The following YBEY variants were observed in gnomAD, a reference collection of about 807,000 sequenced individuals.
The protein encoded by YBEY is endoribonuclease YbeY.
In YBEY, 15 loss-of-function variants were observed where a neutral mutation model predicts 13.5. That is an observed-to-expected ratio of 1.11 (90% CI 0.75 to 1.72). YBEY has a LOEUF of 1.72. Ranked by LOEUF, YBEY falls within the 40% of genes most tolerant of loss-of-function variation. YBEY has a pLI of 0.00. For missense variants in YBEY, 244 were observed against 208.4 expected, an observed-to-expected ratio of 1.17 and a Z score of -1.05; for synonymous variants, 101 against 83.1, an observed-to-expected ratio of 1.21 and a Z score of -1.17.
At chr21:46,290,722 CA>C (rs1383098106) in intron 2 of YBEY, among the ~76,000 whole-genome samples, 3 of 149,700 alleles carry the variant, frequency 2.0e-5, no homozygotes, top group Non-Finnish European at 4.5e-5. Context: ...CAGCCTGACC[CA>C]TATGATGAAA....
At chr21:46,292,343 AG>A (rs2081751523) in intron 3 of YBEY, 1 of 152,274 alleles carries the variant, frequency 6.6e-6, no homozygotes, top group African/African-American at 2.4e-5. Flanking sequence ...GGTTCTCCTC[AG>A]GACACCTACA....
At chr21:46,300,015 C>G (rs573073785), downstream of YBEY, among the ~76,000 whole-genome samples, 47 of 152,214 alleles carry the variant, frequency 3.1e-4, no homozygotes, top group Non-Finnish European at 5.6e-4. Context: ...CAGCTGTGCC[C>G]TCACCAGACA....
intron 2 of YBEY, among the ~76,000 whole-genome samples, chr21:46,290,238 C>T (rs1024285641): frequency 6.6e-6 from 1 of 150,940 alleles, no homozygotes; most frequent in Non-Finnish European, 1.5e-5. Context: ...GAGTCTTGCT[C>T]TGTCAGCCAG....
downstream of YBEY, chr21:46,297,833 C>G: frequency 8.5e-7 from 1 of 1,170,234 alleles, no homozygotes; most frequent in Non-Finnish European, 1.1e-6. Context: ...GTTCAGGGAA[C>G]GCGTGGCCCC....
chr21:46,310,802 A>ACT, the YBEY span, among the ~76,000 whole-genome samples: 725 of 149,390 alleles, frequency 4.9e-3, 5 homozygotes, highest in East Asian at 0.019. Context: ...AAAGTAAGAC[A>ACT]CTCTCTCTCT....
At chr21:46,300,553 C>A (rs2082077074), downstream of YBEY, 2 of 826,366 alleles carry the variant, frequency 2.4e-6, no homozygotes, top group South Asian at 2.5e-5. Context: ...TCTGGAATCA[C>A]CTTCAAGAGG....
chr21:46,308,456 A>C, the YBEY span, among the ~76,000 whole-genome samples: 1 of 151,988 alleles, frequency 6.6e-6, no homozygotes, highest in Non-Finnish European at 1.5e-5. Context: ...GTGAGACTCC[A>C]TCTCAAAAAA....
the YBEY span, among the ~76,000 whole-genome samples, chr21:46,308,395 A>G: frequency 6.6e-6 from 1 of 151,988 alleles, no homozygotes; most frequent in Admixed American, 6.6e-5. Flanking sequence ...CGGGAGGCAG[A>G]GGCCGCGGTG....
downstream of YBEY, among the ~76,000 whole-genome samples, chr21:46,299,047 C>CTTTT (rs58361649): frequency 9.2e-6 from 1 of 108,854 alleles, no homozygotes; most frequent in South Asian, 3.0e-4. Flanking sequence ...TTCTTTCTTT[C>CTTTT]TTTTTTTTTT....
At position 46,297,590 on chromosome 21, in the gene YBEY, A is replaced by AC. The variant is rs779500027; in HGVS notation, c.463dup (p.Arg155ProfsTer40). The AC allele has an allele frequency of 4.3e-6, 6 of 1,381,024 alleles. No homozygotes were observed. The highest frequency in any genetic ancestry group is 5.7e-6 in the Non-Finnish European group (6 of 1,052,798). 85.5% of individuals were successfully genotyped at this position (1,381,024 alleles called of 1,614,324 possible). The stretch of plus-strand genomic sequence containing the variant: ...GGACGAGCTGGGCCGACGCACGGGG[A>AC]CCCGGCTGCAGCCCCTGACCCGGGG... On this transcript the variant is annotated frameshift_variant, in exon 5 of 5. Transcript: ENST00000397701. LOFTEE classifies it high-confidence loss of function.
chr21:46,297,990 CT>C (rs35373158), downstream of YBEY, among the ~76,000 whole-genome samples: 93,201 of 152,158 alleles, frequency 0.61, 29,852 homozygotes, highest in Non-Finnish European at 0.71. Flanking sequence ...GTATTTCCTG[CT>C]TTTACCTCCT....
downstream of YBEY, among the ~76,000 whole-genome samples, chr21:46,298,770 G>A (rs1050966980): frequency 6.6e-6 from 1 of 151,536 alleles, no homozygotes; most frequent in Non-Finnish European, 1.5e-5. Flanking sequence ...TGTTGCCCAG[G>A]CTGGAGTGCA....
chr21:46,297,513 G>A lies in YBEY; in HGVS notation c.409-26G>A, dbSNP rs544288157. 1.7e-4 allele frequency: 237 copies of A among 1,357,070 alleles called. 3 individuals carry two copies. In the South Asian group the frequency reaches 3.7e-3, roughly 21 times the overall value. 84.1% of individuals were successfully genotyped at this position (1,357,070 alleles called of 1,614,324 possible). On this transcript the variant is annotated intron_variant, in intron 4 of 4. Coordinates refer to ENST00000397701, the MANE Select transcript of YBEY (RefSeq NM_001314025.2). Reference sequence around the variant, plus strand: ...GGGGCGCGGACACCTTCCCTGGGGAGGGCCAGCGCGCTTCCTTCCTTCCAG... The same window carrying A: ...GGGGCGCGGACACCTTCCCTGGGGAAGGCCAGCGCGCTTCCTTCCTTCCAG...
At chr21:46,292,524 G>A (rs1055196110) in intron 3 of YBEY, among the ~76,000 whole-genome samples, 4,643 of 143,792 alleles carry the variant, frequency 0.032, 184 homozygotes, top group Admixed American at 0.06. Flanking sequence ...GGTTAGCTTG[G>A]CCTGTGCCCG....
the YBEY span, among the ~76,000 whole-genome samples, chr21:46,307,356 C>G: frequency 6.6e-6 from 1 of 152,036 alleles, no homozygotes; most frequent in Non-Finnish European, 1.5e-5. Context: ...ATATGGCATA[C>G]AAGCATAGGC....
chr21:46,290,804 C>G (rs13051460), intron 2 of YBEY, among the ~76,000 whole-genome samples: 61,136 of 150,834 alleles, frequency 0.41, 12,858 homozygotes, highest in Admixed American at 0.48. Context: ...CCAGCACTTT[C>G]GGAGGCCAAG....
At chr21:46,298,299 G>C (rs1044366857), downstream of YBEY, among the ~76,000 whole-genome samples, 1 of 152,190 alleles carries the variant, frequency 6.6e-6, no homozygotes, top group African/African-American at 2.4e-5. Context: ...TGGGAACACG[G>C]GCCAGGCCCC....
At chr21:46,286,471 G>C (rs994956698) in intron 1 of YBEY, 56 bp downstream of exon 1, 5 of 162,362 alleles carry the variant, frequency 3.1e-5, no homozygotes, top group Non-Finnish European at 6.7e-5. Flanking sequence ...TCACCCGCGT[G>C]GGTCTGCGGG....
intron 2 of YBEY, among the ~76,000 whole-genome samples, chr21:46,288,448 T>C (rs750826134): frequency 2.6e-5 from 4 of 152,010 alleles, no homozygotes; most frequent in Admixed American, 6.6e-5. Flanking sequence ...GAGGCCGAGG[T>C]GGGTGGATCA....
Sources: allele counts gnomAD v4.1 joint callset (sites outside exome capture counted in the v4.1 genomes callset), GRCh38; gene constraint gnomAD v4.1.1; transcripts MANE v1.5; gene names NCBI Gene and HGNC (gene_info 2026-07-23, HGNC 2026-07-21).